Variants in RADIL observed in about 807,000 individuals in gnomAD.
RADIL encodes the protein ras-associating and dilute domain-containing protein.
RADIL carries 99 observed loss-of-function variants against 97.6 expected under a neutral mutation model. The observed-to-expected ratio is 1.01, with a 90% CI of 0.86 to 1.20. The LOEUF is 1.20. Ranked by LOEUF, RADIL falls within the 50% of genes most tolerant of loss-of-function variation. The pLI is 0.00. For missense variants in RADIL, 1,765 were observed against 1,498.9 expected (o/e 1.18, Z -2.93); for synonymous variants, 803 against 691.8 (o/e 1.16, Z -2.52).
At chr7:4,816,114 G>C in intron 8 of RADIL, 114 bp downstream of exon 8, 2 of 943,952 alleles carry the variant, frequency 2.1e-6, no homozygotes, top group Non-Finnish European at 3.3e-6. Context: ...CGCTCAGGGA[G>C]CAGGAGGCCA....
At position 4,842,579 on chromosome 7, in the gene RADIL, T is replaced by C. The variant is rs1269927661; in HGVS notation, c.536-5974A>G. 6.6e-6 allele frequency among the ~76,000 whole-genome samples: 1 copy of C among 152,176 alleles called. No individual in the cohort carries two copies. Among genetic ancestry groups the C allele is most frequent in the African/African-American group, 2.4e-5 (1 of 41,442 alleles). ...GACCGTCACCAGCTCCCACGGACTC[T>C]GAACAGCCCTGGAAAGAAAAACACA... On this transcript the variant is annotated intron_variant, in intron 2 of 14. Coordinates refer to ENST00000399583, the MANE Select transcript of RADIL (RefSeq NM_018059.5). The surrounding 1 kb of genome is among the most constrained non-coding windows in gnomAD (Gnocchi z 4.5).
Position 4,851,888 on chromosome 7 carries a change from C to A in RADIL, c.536-15283G>T, listed in dbSNP as rs949100243. Among the ~76,000 whole-genome samples, 8 of 152,192 alleles carry A rather than the reference C, an allele frequency of 5.3e-5. 1 individual carries two copies. Among genetic ancestry groups the A allele is most frequent in the Admixed American group, 3.9e-4 (6 of 15,290 alleles). On this transcript the variant is annotated intron_variant, in intron 2 of 14. Transcript: ENST00000399583. The stretch of plus-strand genomic sequence containing the variant: ...AAGTGTGGGTCTGGACAACCCTTTG[C>A]TGAAACCCAGGAAGACCAAAAGGTC...
intron 13 of RADIL, 43 bp from the exon 14 acceptor site, chr7:4,799,812 G>GCTGTCC (rs1210284364): frequency 6.8e-7 from 1 of 1,460,096 alleles, no homozygotes; most frequent in Non-Finnish European, 9.0e-7. Flanking sequence ...GGCCCGACTG[G>GCTGTCC]CTGTCCCCAG....
chr7:4,876,226 C>T (rs187606013), intron 2 of RADIL, among the ~76,000 whole-genome samples: 9 of 152,140 alleles, frequency 5.9e-5, no homozygotes, highest in South Asian at 4.2e-4. Flanking sequence ...TAGGCTCAAG[C>T]GATCCTCCTA....
intron 2 of RADIL, chr7:4,859,248 AT>A (rs1783910958): frequency 6.5e-6 from 1 of 152,712 alleles, no homozygotes; most frequent in African/African-American, 2.4e-5. Flanking sequence ...AAATTCACCA[AT>A]TTGAAAAATC....
chr7:4,865,177 C>T (rs147731467), intron 2 of RADIL, among the ~76,000 whole-genome samples: 26 of 152,326 alleles, frequency 1.7e-4, no homozygotes, highest in South Asian at 1.0e-3. Context: ...TTACATTTCA[C>T]CTCTTGAGAG....
chr7:4,825,402 G>A (rs1247371959), intron 5 of RADIL, among the ~76,000 whole-genome samples: 1 of 152,234 alleles, frequency 6.6e-6, no homozygotes, highest in Non-Finnish European at 1.5e-5. Context: ...GCCGGCCACA[G>A]CCTATGCATG....
rs1269949062 is a variant in RADIL, at chr7:4,861,846, C to G, written c.535+15759G>C. ...CCGCCCCGCCAGGGCACGTCCCCCA[C>G]CACCGCGACCTTCGCGGCCGCCGCC... is the stretch of plus-strand genomic sequence containing the variant. On this transcript the variant is annotated intron_variant, in intron 2 of 14. Coordinates refer to ENST00000399583, the MANE Select transcript of RADIL (RefSeq NM_018059.5). 3 of 1,394,986 alleles carry G rather than the reference C, an allele frequency of 2.2e-6. No homozygotes were observed. The African/African-American group carries it at 4.4e-5, about 20-fold the overall frequency. The allele number at this position is 1,394,986 out of a possible 1,614,324, so 86.4% of individuals were successfully genotyped here.
At chr7:4,847,739 CAAAAAAA>C (rs56177809) in intron 2 of RADIL, among the ~76,000 whole-genome samples, 9 of 23,806 alleles carry the variant, frequency 3.8e-4, no homozygotes, top group South Asian at 2.7e-3. Flanking sequence ...AAGCTAGATG[CAAAAAAA>C]AAAAAAAAAA....
intron 13 of RADIL, 30 bp from the exon 14 acceptor site, chr7:4,799,799 G>A (rs575928904): frequency 3.2e-5 from 48 of 1,479,046 alleles, no homozygotes; most frequent in African/African-American, 7.0e-5. Flanking sequence ...TCAGAGCTCC[G>A]CAGGCCCGAC....
chr7:4,841,691 C>T (rs999528194), intron 2 of RADIL, among the ~76,000 whole-genome samples: 46 of 152,330 alleles, frequency 3.0e-4, no homozygotes, highest in African/African-American at 1.0e-3. Flanking sequence ...CAGCAACCCT[C>T]AGGAAACTGC....
At position 4,832,244 on chromosome 7, in the gene RADIL, T is replaced by C. The variant is rs1783165006; in HGVS notation, c.1417-66A>G. On this transcript the variant is annotated intron_variant, in intron 4 of 14. Transcript: ENST00000399583. ...AGGCTAACACAGGGACGCGTTCAAA[T>C]ACACGATACCATCGACAGGAAAACA... The C allele has an allele frequency of 2.2e-5, 31 of 1,438,158 alleles. No homozygotes were observed. The Middle Eastern group carries it at 2.8e-3, about 128-fold the overall frequency. The allele number at this position is 1,438,158 out of a possible 1,614,324, so 89.1% of individuals were successfully genotyped here.
chr7:4,829,316 AC>A (rs1486012954), intron 5 of RADIL, among the ~76,000 whole-genome samples: 1 of 152,056 alleles, frequency 6.6e-6, no homozygotes, highest in African/African-American at 2.4e-5. Flanking sequence ...GCCAGGACCC[AC>A]CCCCAGTGCA....
chr7:4,860,192 G>A (rs1381773139), intron 2 of RADIL: 1 of 1,613,914 alleles, frequency 6.2e-7, no homozygotes, highest in African/African-American at 1.3e-5. Context: ...CATAGTGCTA[G>A]TAGATGAAGG....
chr7:4,809,168 C>T, intron 9 of RADIL: 1 of 985,250 alleles, frequency 1.0e-6, no homozygotes, highest in African/African-American at 1.7e-5. Flanking sequence ...CTGGAAGACC[C>T]CTGGCGCTGT....
chr7:4,834,860 G>T lies in RADIL; in HGVS notation c.1163C>A (p.Ala388Asp). 1 of 1,325,280 alleles carries T rather than the reference G, an allele frequency of 7.5e-7. No individual in the cohort carries two copies. 82.1% of individuals were successfully genotyped at this position (1,325,280 alleles called of 1,614,324 possible). ...CTGAGTAGGGGAGGCGGCTCCCCGG[G>T]CCCCGAGCGCGGCCCCGCACAGCCG... ...SCRLCGAALGARGAASPTQAA... is the reference protein window; with the variant it reads ...SCRLCGAALGDRGAASPTQAA... The change falls in exon 4 of 15, where the codon GCC (alanine) becomes GAC (aspartate). Residue 388 changes from alanine to aspartate, a missense_variant. Physicochemically the swap from Ala to Asp is moderately radical, Grantham distance 126. Coordinates refer to ENST00000399583, the MANE Select transcript of RADIL (RefSeq NM_018059.5). The surrounding 1 kb of genome is among the most constrained non-coding windows in gnomAD (Gnocchi z 6.0).
intron 2 of RADIL, chr7:4,860,299 C>A: frequency 6.2e-7 from 1 of 1,613,968 alleles, no homozygotes; most frequent in Non-Finnish European, 8.5e-7. Context: ...CTTTCTTGTC[C>A]TGAAGCACAT....
intron 2 of RADIL, among the ~76,000 whole-genome samples, chr7:4,865,059 C>T (rs905946463): frequency 1.3e-5 from 2 of 152,210 alleles, no homozygotes; most frequent in African/African-American, 4.8e-5. Context: ...CTCTCTCATC[C>T]CTGGATCTTC....
In RADIL at chr7:4,817,361, G is replaced by A; in HGVS notation, c.1616-10C>T. ...AGCGATTCCTTCGAGCCTGCCGGGAGACAGCCACGCCAATGGTCACAACGG... is the reference window on the plus strand; with the variant it reads ...AGCGATTCCTTCGAGCCTGCCGGGAAACAGCCACGCCAATGGTCACAACGG... On this transcript the variant is annotated splice_polypyrimidine_tract_variant and intron_variant, in intron 6 of 14. Transcript: ENST00000399583. The surrounding 1 kb of genome is among the most constrained non-coding windows in gnomAD (Gnocchi z 8.3). The A allele has an allele frequency of 6.2e-7, 1 of 1,608,772 alleles. No individual in the cohort carries two copies. Among genetic ancestry groups the A allele is most frequent in the East Asian group, 2.2e-5 (1 of 44,792 alleles).
Sources: allele counts gnomAD v4.1 joint callset (sites outside exome capture counted in the v4.1 genomes callset), GRCh38; gene constraint gnomAD v4.1.1; non-coding constraint Gnocchi (gnomAD v3.1); transcripts MANE v1.5; gene names NCBI Gene and HGNC (gene_info 2026-07-23, HGNC 2026-07-21).